Variants in PMP22 observed in about 807,000 individuals in gnomAD.
The protein encoded by PMP22 is Charcot-Marie-Tooth neuropathy 1A (greatly reduced nerve conduction velocity, hereditary motor sensory neuropathy Ia).
In PMP22, 2 loss-of-function variants were observed where a neutral mutation model predicts 18.9. The ratio of observed to expected loss-of-function variants is 0.11; its 90% CI spans 0.04 to 0.33. The LOEUF is 0.33. Among genes scored for constraint, PMP22 ranks in the 10% least tolerant of loss-of-function variants. The probability of loss-of-function intolerance (pLI) is 1.00; values close to 1 mark genes in which losing one functional copy is unlikely to be tolerated. For synonymous variants in PMP22, 95 were observed against 89.2 expected, an observed-to-expected ratio of 1.07 and a Z score of -0.37; for missense variants, 169 against 202.2, an observed-to-expected ratio of 0.84 and a Z score of 1.00.
At chr17:15,244,265 G>A (rs924823429) in intron 3 of PMP22, among the ~76,000 whole-genome samples, 10 of 151,884 alleles carry the variant, frequency 6.6e-5, no homozygotes, top group African/African-American at 2.4e-4. Flanking sequence ...CAAAAAAAAT[G>A]GATAATATCA....
intron 4 of PMP22, among the ~76,000 whole-genome samples, chr17:15,238,874 G>C (rs1216382370): frequency 6.6e-6 from 1 of 152,226 alleles, no homozygotes; most frequent in Non-Finnish European, 1.5e-5. Flanking sequence ...ATAGCCCCAT[G>C]TTTGGAAATG....
In PMP22 at chr17:15,230,778, C is replaced by T. The variant is rs1462848374; in HGVS notation, c.*139G>A. 1.2e-6 allele frequency: 1 copy of T among 830,184 alleles called. No homozygotes were observed. The highest frequency in any genetic ancestry group is 2.0e-6 in the Non-Finnish European group (1 of 495,982). 51.4% of individuals were successfully genotyped at this position (830,184 alleles called of 1,614,324 possible). On this transcript the variant is annotated 3_prime_UTR_variant, in exon 5 of 5. Transcript: ENST00000312280. ...ATATACATCTTCAATCAACAGCAAC[C>T]CCCACCTCCACTGCTTTCTGTTTGG...
At chr17:15,245,447 A>C (rs569466042) in intron 3 of PMP22, among the ~76,000 whole-genome samples, 1 of 152,208 alleles carries the variant, frequency 6.6e-6, no homozygotes, top group Non-Finnish European at 1.5e-5. Flanking sequence ...TCTGTTGCCA[A>C]GTTCTTCTGA....
intron 3 of PMP22, among the ~76,000 whole-genome samples, chr17:15,249,451 G>A (rs551508025): frequency 2.6e-4 from 39 of 152,114 alleles, no homozygotes; most frequent in Non-Finnish European, 5.1e-4. Context: ...CAACACACTG[G>A]GGGTGCAGAG....
chr17:15,240,385 A>T (rs1018554373), intron 3 of PMP22, among the ~76,000 whole-genome samples: 21 of 151,070 alleles, frequency 1.4e-4, no homozygotes, highest in Non-Finnish European at 2.5e-4. Context: ...TATGGAAATC[A>T]ATTTGCTTGG....
chr17:15,241,280 C>T (rs1907292133), intron 3 of PMP22, among the ~76,000 whole-genome samples: 1 of 152,112 alleles, frequency 6.6e-6, no homozygotes, highest in Non-Finnish European at 1.5e-5. Context: ...TGTCTTTATC[C>T]AGCATAGAGG....
At chr17:15,233,051 A>G (rs1906494152) in intron 4 of PMP22, among the ~76,000 whole-genome samples, 1 of 152,232 alleles carries the variant, frequency 6.6e-6, no homozygotes, top group African/African-American at 2.4e-5. Context: ...CTGCATGTAA[A>G]GCAATAGATG....
chr17:15,259,257 G>A (rs1016273637), intron 2 of PMP22, 64 bp from the exon 3 acceptor site: 2 of 1,342,578 alleles, frequency 1.5e-6, no homozygotes, highest in African/African-American at 1.4e-5. Context: ...AAAAGGGGAA[G>A]GAGAAAGGCC....
At chr17:15,254,747 CG>C (rs1344464772) in intron 3 of PMP22, among the ~76,000 whole-genome samples, 1 of 152,028 alleles carries the variant, frequency 6.6e-6, no homozygotes, top group Non-Finnish European at 1.5e-5. Flanking sequence ...CACCTGAGGT[CG>C]GGAGTTCGAG....
chr17:15,231,429 GT>G (rs1245092689), intron 4 of PMP22, among the ~76,000 whole-genome samples: 3 of 152,150 alleles, frequency 2.0e-5, no homozygotes, highest in African/African-American at 7.2e-5. Flanking sequence ...CTTTCCAAGG[GT>G]GGTTGGGTAT....
Position 15,230,879 on chromosome 17 carries a change from A to G in PMP22, c.*38T>C, listed in dbSNP as rs549180136. 3 of 1,609,176 alleles carry G rather than the reference A, an allele frequency of 1.9e-6. No homozygotes were observed. Among genetic ancestry groups the G allele is most frequent in the African/African-American group, 2.7e-5 (2 of 74,890 alleles). On this transcript the variant is annotated 3_prime_UTR_variant, in exon 5 of 5. Coordinates refer to ENST00000312280, the MANE Select transcript of PMP22 (RefSeq NM_000304.4). Reference sequence around the variant, plus strand: ...TCTGTTTTCCCTTCCTCCCTTCCCTATGTACGCTCAGAGCCTCAGACAGAC... The same window carrying G: ...TCTGTTTTCCCTTCCTCCCTTCCCTGTGTACGCTCAGAGCCTCAGACAGAC...
intron 3 of PMP22, among the ~76,000 whole-genome samples, chr17:15,243,018 T>G (rs894566551): frequency 6.6e-6 from 1 of 152,172 alleles, no homozygotes; most frequent in African/African-American, 2.4e-5. Flanking sequence ...GGCACACCTG[T>G]GGGTTGTAAC....
intron 3 of PMP22, among the ~76,000 whole-genome samples, chr17:15,240,364 C>T (rs1436950999): frequency 6.6e-6 from 1 of 150,674 alleles, no homozygotes; most frequent in Non-Finnish European, 1.5e-5. Context: ...GAAAGGTATG[C>T]TCTCTATAGG....
At chr17:15,243,832 A>G (rs916201212) in intron 3 of PMP22, among the ~76,000 whole-genome samples, 3 of 149,778 alleles carry the variant, frequency 2.0e-5, no homozygotes, top group African/African-American at 7.3e-5. Flanking sequence ...ATAGACATAC[A>G]AAGCTTATAT....
At chr17:15,236,214 T>C (rs1906798097) in intron 4 of PMP22, among the ~76,000 whole-genome samples, 1 of 152,068 alleles carries the variant, frequency 6.6e-6, no homozygotes. Context: ...CTGTCAGCCT[T>C]GTGGCTAAGT....
chr17:15,247,548 C>A (rs1335345823), intron 3 of PMP22, among the ~76,000 whole-genome samples: 1 of 152,180 alleles, frequency 6.6e-6, no homozygotes, highest in East Asian at 1.9e-4. Flanking sequence ...ATTTCAAGGT[C>A]AGATTCCTGC....
intron 3 of PMP22, among the ~76,000 whole-genome samples, chr17:15,253,023 C>T (rs1908496797): frequency 1.3e-5 from 2 of 152,174 alleles, no homozygotes; most frequent in South Asian, 4.1e-4. Context: ...TTGGAGACTT[C>T]AAAACAAAAA....
intron 3 of PMP22, among the ~76,000 whole-genome samples, chr17:15,257,557 G>A (rs992362846): frequency 6.6e-6 from 1 of 152,186 alleles, no homozygotes. Flanking sequence ...ACTCCCATCC[G>A]GAGTGCTCCG....
rs1555568786 is a variant in PMP22 at position 15,260,686 on chromosome 17, C to T, written c.42G>A (p.Ala14=). The T allele has an allele frequency of 6.4e-7, 1 of 1,553,588 alleles. No individual in the cohort carries two copies. Among genetic ancestry groups the T allele is most frequent in the Non-Finnish European group, 8.7e-7 (1 of 1,148,004 alleles). The change falls in exon 2 of 5, where the codon GCG becomes GCA. Residue 14 remains alanine, a synonymous_variant. Transcript: ENST00000312280. ...LLLSIIVLHV[A]VLVLLFVSTI... is the part of the protein sequence containing the mutation. ...TGGAGACGAACAGCAGCACCAGCAC[C>T]GCGACGTGGAGGACGATGATACTCA...
Sources: gnomAD v4.1 joint callset for allele counts (sites outside exome capture counted in the v4.1 genomes callset) on GRCh38, gnomAD v4.1.1 for gene constraint, MANE v1.5 for transcripts, NCBI Gene and HGNC (gene_info 2026-07-23, HGNC 2026-07-21) for gene names.